Variants in COPS2 observed in about 807,000 individuals in gnomAD.
COPS2 encodes COP9 signalosome complex subunit 2.
Under a neutral mutation model 66.1 loss-of-function variants are expected in COPS2, and 10 were observed. That is an observed-to-expected ratio of 0.15 (90% confidence interval 0.09 to 0.26). COPS2 has a LOEUF of 0.26. Among genes scored for constraint, COPS2 ranks in the 10% least tolerant of loss-of-function variants. The pLI, the probability that COPS2 is intolerant of heterozygous loss-of-function variation, is 1.00. For synonymous variants in COPS2, 179 were observed against 171.3 expected, an observed-to-expected ratio of 1.04 and a Z score of -0.35; for missense variants, 215 against 513.3, an observed-to-expected ratio of 0.42 and a Z score of 5.62.
intron 1 of COPS2, among the ~76,000 whole-genome samples, chr15:49,149,900 T>G (rs2084346681): frequency 6.6e-6 from 1 of 152,218 alleles, no homozygotes; most frequent in Non-Finnish European, 1.5e-5. Flanking sequence ...ATTTATGGTT[T>G]AGCTACTGAT....
At chr15:49,147,468 G>A (rs771946144) in intron 1 of COPS2, among the ~76,000 whole-genome samples, 1 of 152,104 alleles carries the variant, frequency 6.6e-6, no homozygotes, top group Non-Finnish European at 1.5e-5. Flanking sequence ...CATGACAACA[G>A]TAGGACTAGT....
chr15:49,143,716 G>A (rs1480888485), intron 3 of COPS2, among the ~76,000 whole-genome samples: 2 of 152,218 alleles, frequency 1.3e-5, no homozygotes, highest in African/African-American at 4.8e-5. Flanking sequence ...GCAGGGTGCG[G>A]TGGCTCACGC....
chr15:49,133,307 T>A (rs968802063), intron 9 of COPS2, among the ~76,000 whole-genome samples: 8 of 152,166 alleles, frequency 5.3e-5, no homozygotes, highest in Non-Finnish European at 8.8e-5. Flanking sequence ...TAAACATTTT[T>A]AAAAATACTT....
intron 1 of COPS2, 149 bp from the exon 2 acceptor site, chr15:49,145,227 T>C (rs2084313370): frequency 2.1e-6 from 1 of 484,186 alleles, no homozygotes. Flanking sequence ...GCCACTGATA[T>C]TCAACTGTTA....
In COPS2 at chr15:49,139,743, A is replaced by G. The variant is rs143802604; in HGVS notation, c.247-90T>C. The G allele has an allele frequency of 1.1e-3, 1,005 of 908,170 alleles. 4 individuals carry two copies. The highest frequency in any genetic ancestry group is 1.5e-3 in the Non-Finnish European group (930 of 600,164). The allele number at this position is 908,170 out of a possible 1,614,324, so 56.3% of individuals were successfully genotyped here. ...AAGGTTATAGAATACACTACTACAT[A>G]ATGAAATGTAGTTCATATAGTTCCT... On this transcript the variant is annotated intron_variant, in intron 3 of 12. Coordinates refer to ENST00000388901, the MANE Select transcript of COPS2 (RefSeq NM_004236.4).
chr15:49,147,528 G>A (rs1240169421), intron 1 of COPS2, among the ~76,000 whole-genome samples: 1 of 152,020 alleles, frequency 6.6e-6, no homozygotes, highest in Non-Finnish European at 1.5e-5. Context: ...AAAGGGAAGA[G>A]ATTAACTTCA....
At position 49,122,777 on chromosome 15, in the gene COPS2, TAAAA is replaced by T. The variant is rs1228767228; in HGVS notation, c.*5169_*5172del. On this transcript the variant is annotated 3_prime_UTR_variant, in exon 13 of 13. Transcript: ENST00000388901. ...TAAGGAATGTGCACTTCCAGATAAA[TAAAA>T]AAACCCTTGAGTATTTAAGCCTTAC... 2 of 152,058 alleles carry T rather than the reference TAAAA, an allele frequency of 1.3e-5. No homozygotes were observed. The highest frequency in any genetic ancestry group is 6.6e-5 in the Admixed American group (1 of 15,262). 9.4% of individuals were successfully genotyped at this position (152,058 alleles called of 1,614,324 possible).
chr15:49,136,999 A>T (rs2084257760), intron 6 of COPS2, 151 bp downstream of exon 6: 3 of 613,986 alleles, frequency 4.9e-6, no homozygotes, highest in Admixed American at 3.6e-5. Flanking sequence ...TCTCAAAAAA[A>T]AAAAGATAAT....
At chr15:49,139,788 G>C (rs1182007628) in intron 3 of COPS2, 135 bp from the exon 4 acceptor site, 1 of 630,826 alleles carries the variant, frequency 1.6e-6, no homozygotes, top group African/African-American at 1.9e-5. Context: ...TTGTAAAAGA[G>C]GAACTATGTA....
rs1424136866 is a variant in COPS2 at position 49,127,950 on chromosome 15, T to C, written c.1332A>G (p.Ter444=). ...GACGTCTGTAAAAGCTTGTTCTCTG[T>C]TAAGCCAGTTTACTGACTACAGCCT... is the stretch of plus-strand genomic sequence containing the variant. ...LNQAVVSKLA[*] is the part of the protein sequence containing the mutation. Residue 444 remains the stop codon, a stop_retained_variant, in exon 13 of 13, where the codon TAA becomes TAG. Coordinates refer to ENST00000388901, the MANE Select transcript of COPS2 (RefSeq NM_004236.4). 3.7e-6 allele frequency: 6 copies of C among 1,613,684 alleles called. No individual in the cohort carries two copies.
chr15:49,144,405 T>TA (rs963960637), intron 2 of COPS2, 101 bp from the exon 3 acceptor site: 26 of 661,566 alleles, frequency 3.9e-5, no homozygotes, highest in Admixed American at 2.8e-4. Flanking sequence ...ACTATATGCA[T>TA]AAAAAACATT....
chr15:49,144,968 T>C lies in COPS2; in HGVS notation c.165A>G (p.Gln55=). 1 of 1,554,922 alleles carries C rather than the reference T, an allele frequency of 6.4e-7. No homozygotes were observed. Among genetic ancestry groups the C allele is most frequent in the Non-Finnish European group, 8.7e-7 (1 of 1,145,748 alleles). The change falls in exon 2 of 13, where the codon CAA becomes CAG. Residue 55 remains glutamine, a synonymous_variant. Transcript: ENST00000388901. The stretch of plus-strand genomic sequence containing the variant: ...TCAAATGGAAAAGAATATAAACCTT[T>C]TGGAAACTGCTTAATGCCGCTTTTG... The part of the protein sequence containing the change: ...DDPKAALSSF[Q]KVLELEGEKG...
At chr15:49,134,303 C>T (rs753824425) in intron 7 of COPS2, 37 bp downstream of exon 7, 4 of 1,596,764 alleles carry the variant, frequency 2.5e-6, no homozygotes, top group Non-Finnish European at 3.4e-6. Flanking sequence ...TTGATATCTC[C>T]CCATGCCACT....
chr15:49,155,209 C>A (rs1359163611), intron 1 of COPS2, among the ~76,000 whole-genome samples: 1 of 152,238 alleles, frequency 6.6e-6, no homozygotes, highest in Non-Finnish European at 1.5e-5. Flanking sequence ...AGGCGGCTAG[C>A]GCGGTGGGGA....
At chr15:49,139,735 T>TA in intron 3 of COPS2, 82 bp from the exon 4 acceptor site, 1 of 992,358 alleles carries the variant, frequency 1.0e-6, no homozygotes, top group South Asian at 1.7e-5. Flanking sequence ...TAGAATACAC[T>TA]ACTACATAAT....
chr15:49,153,094 T>C (rs140893656), intron 1 of COPS2, among the ~76,000 whole-genome samples: 1 of 152,198 alleles, frequency 6.6e-6, no homozygotes, highest in East Asian at 1.9e-4. Flanking sequence ...CAGAAACACT[T>C]ACAAACACAA....
At chr15:49,138,997 A>G (rs2084272287) in intron 4 of COPS2, among the ~76,000 whole-genome samples, 1 of 152,230 alleles carries the variant, frequency 6.6e-6, no homozygotes, top group African/African-American at 2.4e-5. Flanking sequence ...TCATAATGAA[A>G]GCACTATCAC....
chr15:49,153,267 A>G (rs2141135895), intron 1 of COPS2, among the ~76,000 whole-genome samples: 1 of 152,284 alleles, frequency 6.6e-6, no homozygotes, highest in African/African-American at 2.4e-5. Context: ...CTCTAAAAAT[A>G]TATACATGTG....
Position 49,127,702 on chromosome 15 carries a change from T to G in COPS2, c.*248A>C. 1 of 359,704 alleles carries G rather than the reference T, an allele frequency of 2.8e-6. No individual in the cohort carries two copies. The highest frequency in any genetic ancestry group is 5.0e-6 in the Non-Finnish European group (1 of 200,140). 22.3% of individuals were successfully genotyped at this position (359,704 alleles called of 1,614,324 possible). ...TGACAAATTACTATGATGTTGTACGTTTAGGGCAAGATGTCAATACAGCAT... is the reference window on the plus strand; with the variant it reads ...TGACAAATTACTATGATGTTGTACGGTTAGGGCAAGATGTCAATACAGCAT... On this transcript the variant is annotated 3_prime_UTR_variant, in exon 13 of 13. Transcript: ENST00000388901.
Sources: gnomAD v4.1 joint callset for allele counts (sites outside exome capture counted in the v4.1 genomes callset) on GRCh38, gnomAD v4.1.1 for gene constraint, MANE v1.5 for transcripts, NCBI Gene and HGNC (gene_info 2026-07-23, HGNC 2026-07-21) for gene names.